The following CACNA2D1 variants were observed in gnomAD, a reference collection of about 807,000 sequenced individuals.
The protein encoded by CACNA2D1 is calcium voltage-gated channel auxiliary subunit alpha2delta 1.
In CACNA2D1, 53 loss-of-function variants were observed where a neutral mutation model predicts 171.5. That is an observed-to-expected ratio of 0.31 (90% CI 0.25 to 0.39). CACNA2D1 has a LOEUF of 0.39. Among genes scored for constraint, CACNA2D1 ranks in the 10% least tolerant of loss-of-function variants. CACNA2D1 has a pLI of 1.00. For missense variants in CACNA2D1, 903 were observed against 1,299.8 expected, an observed-to-expected ratio of 0.69 and a Z score of 4.69; for synonymous variants, 442 against 443.1, an observed-to-expected ratio of 1.00 and a Z score of 0.03.
chr7:82,313,635 A>T (rs1277299968), intron 3 of CACNA2D1, among the ~76,000 whole-genome samples: 1 of 152,194 alleles, frequency 6.6e-6, no homozygotes, highest in Non-Finnish European at 1.5e-5. Context: ...AAAAGCACCA[A>T]CCAACTGGCC....
chr7:82,307,304 G>A (rs182621407), intron 3 of CACNA2D1, among the ~76,000 whole-genome samples: 84 of 151,694 alleles, frequency 5.5e-4, no homozygotes, highest in South Asian at 1.0e-3. Flanking sequence ...ACAGGTATGC[G>A]CCACCACACC....
chr7:82,420,323 A>G (rs1194657878), intron 1 of CACNA2D1, among the ~76,000 whole-genome samples: 2 of 152,196 alleles, frequency 1.3e-5, no homozygotes, highest in Non-Finnish European at 1.5e-5. Context: ...AATTTAGGAG[A>G]GATGAAGGAC....
chr7:81,948,160 CACAA>C lies in CACNA2D1; in HGVS notation c.*2228_*2231del, dbSNP rs1792187461. On this transcript the variant is annotated 3_prime_UTR_variant, in exon 39 of 39. Coordinates refer to ENST00000356860, the MANE Select transcript of CACNA2D1 (RefSeq NM_000722.4). ...TGTTTTAATGTGCATTGTTTATATA[CACAA>C]ACTAACAATTTTATATTTTGATACC... 1.3e-5 allele frequency: 2 copies of C among 151,918 alleles called. No individual in the cohort carries two copies. Among genetic ancestry groups the C allele is most frequent in the African/African-American group, 2.4e-5 (1 of 41,498 alleles). The allele number at this position is 151,918 out of a possible 1,614,324, so 9.4% of individuals were successfully genotyped here.
intron 7 of CACNA2D1, among the ~76,000 whole-genome samples, chr7:82,079,640 C>T (rs1163025755): frequency 2.0e-5 from 3 of 149,284 alleles, no homozygotes; most frequent in Admixed American, 6.7e-5. Context: ...TGCAGTGAGC[C>T]GAGATTACGC....
At chr7:82,006,772 A>G (rs1262538205) in intron 16 of CACNA2D1, among the ~76,000 whole-genome samples, 1 of 152,134 alleles carries the variant, frequency 6.6e-6, no homozygotes, top group Admixed American at 6.5e-5. Flanking sequence ...ACCTGCAGAT[A>G]GTTAAGAATG....
intron 6 of CACNA2D1, among the ~76,000 whole-genome samples, chr7:82,098,470 G>A (rs570992855): frequency 6.6e-6 from 1 of 152,216 alleles, no homozygotes; most frequent in South Asian, 2.1e-4. Context: ...TGTAAATCAT[G>A]TACCCAGGGA....
At chr7:82,418,260 G>C (rs1828379070) in intron 1 of CACNA2D1, among the ~76,000 whole-genome samples, 1 of 152,090 alleles carries the variant, frequency 6.6e-6, no homozygotes, top group African/African-American at 2.4e-5. Context: ...CCAGCCCCCT[G>C]ATTCAATTAT....
chr7:82,043,470 T>C (rs1804190287), intron 10 of CACNA2D1, among the ~76,000 whole-genome samples: 1 of 152,210 alleles, frequency 6.6e-6, no homozygotes, highest in Admixed American at 6.5e-5. Context: ...ACTAACAGGA[T>C]GATACAAGTG....
At chr7:82,094,605 C>T (rs1374868486) in intron 6 of CACNA2D1, among the ~76,000 whole-genome samples, 2 of 152,170 alleles carry the variant, frequency 1.3e-5, no homozygotes, top group African/African-American at 2.4e-5. Flanking sequence ...GATCTTAATA[C>T]AGACAGGAAT....
intron 6 of CACNA2D1, among the ~76,000 whole-genome samples, chr7:82,111,176 A>G (rs1327123241): frequency 6.6e-6 from 1 of 150,760 alleles, no homozygotes; most frequent in Non-Finnish European, 1.5e-5. Flanking sequence ...TCACTTGATG[A>G]TTGACTGCTT....
intron 3 of CACNA2D1, among the ~76,000 whole-genome samples, chr7:82,303,148 C>T (rs1207602974): frequency 6.6e-6 from 1 of 152,116 alleles, no homozygotes. Flanking sequence ...CGCCCGCCAC[C>T]ATGCCCAGCT....
At chr7:81,980,322 T>C (rs1031002862) in intron 24 of CACNA2D1, among the ~76,000 whole-genome samples, 1 of 151,984 alleles carries the variant, frequency 6.6e-6, no homozygotes, top group Non-Finnish European at 1.5e-5. Context: ...ATAAATTCTA[T>C]GACACGACTA....
intron 5 of CACNA2D1, among the ~76,000 whole-genome samples, chr7:82,118,063 G>A (rs1789288166): frequency 6.6e-6 from 1 of 152,074 alleles, no homozygotes; most frequent in Non-Finnish European, 1.5e-5. Context: ...TAGGAAAGAA[G>A]CGATCTATTC....
At chr7:82,250,545 T>G (rs1336374734) in intron 3 of CACNA2D1, among the ~76,000 whole-genome samples, 3 of 152,222 alleles carry the variant, frequency 2.0e-5, no homozygotes, top group Non-Finnish European at 2.9e-5. Context: ...TAATTATCTT[T>G]TCTCTGAGGA....
intron 3 of CACNA2D1, among the ~76,000 whole-genome samples, chr7:82,234,711 T>A (rs958423228): frequency 1.3e-5 from 2 of 152,172 alleles, no homozygotes; most frequent in African/African-American, 4.8e-5. Flanking sequence ...ATAAAATCAA[T>A]CCATTCTCAA....
At chr7:82,399,855 G>C (rs189441438) in intron 1 of CACNA2D1, among the ~76,000 whole-genome samples, 1 of 152,106 alleles carries the variant, frequency 6.6e-6, no homozygotes, top group Non-Finnish European at 1.5e-5. Flanking sequence ...ACTATAATAG[G>C]AAATCTTCTA....
At position 82,014,480 on chromosome 7, in the gene CACNA2D1, C is replaced by A; in HGVS notation, c.1144-1G>T. On this transcript the variant is annotated splice_acceptor_variant, in intron 12 of 38. Transcript: ENST00000356860. LOFTEE classifies it high-confidence loss of function. Reference sequence around the variant, plus strand: ...CAACTGAAAACGTGAATACACGTACCTGGATGAATTGAAAAATAGGTATTC... The same window carrying A: ...CAACTGAAAACGTGAATACACGTACATGGATGAATTGAAAAATAGGTATTC... 6.5e-7 allele frequency: 1 copy of A among 1,542,170 alleles called. No individual in the cohort carries two copies. Among genetic ancestry groups the A allele is most frequent in the Non-Finnish European group, 9.0e-7 (1 of 1,114,488 alleles).
chr7:82,243,732 A>G (rs986892490), intron 3 of CACNA2D1, among the ~76,000 whole-genome samples: 1 of 152,206 alleles, frequency 6.6e-6, no homozygotes, highest in Non-Finnish European at 1.5e-5. Flanking sequence ...ATGGGTGCAG[A>G]CAAAAGAAAA....
intron 20 of CACNA2D1, among the ~76,000 whole-genome samples, chr7:81,993,833 A>G (rs943002779): frequency 1.3e-5 from 2 of 152,162 alleles, no homozygotes; most frequent in Non-Finnish European, 2.9e-5. Flanking sequence ...AATTTGCAAT[A>G]AATTGAAGGA....
Sources: allele counts gnomAD v4.1 joint callset (sites outside exome capture counted in the v4.1 genomes callset), GRCh38; gene constraint gnomAD v4.1.1; transcripts MANE v1.5; gene names NCBI Gene and HGNC (gene_info 2026-07-23, HGNC 2026-07-21).